THADA: variants seen among roughly 807,000 people sequenced by gnomAD.
THADA encodes tRNA (32-2'-O)-methyltransferase regulator THADA.
Under a neutral mutation model 219.8 loss-of-function variants are expected in THADA, and 213 were observed. That is an observed-to-expected ratio of 0.97 (90% CI 0.87 to 1.09). The LOEUF is 1.09. THADA is among the 50% of genes least tolerant of loss of function. The pLI is 0.00. For synonymous variants in THADA, 1,018 were observed against 828.9 expected, an observed-to-expected ratio of 1.23 and a Z score of -3.92; for missense variants, 2,956 against 2,311.3, an observed-to-expected ratio of 1.28 and a Z score of -5.72.
intron 29 of THADA, among the ~76,000 whole-genome samples, chr2:43,386,363 C>G (rs929793575): frequency 4.6e-5 from 7 of 151,504 alleles, no homozygotes; most frequent in Admixed American, 2.0e-4. Context: ...AAACAGAGAG[C>G]CTTCATTTTA....
intron 31 of THADA, among the ~76,000 whole-genome samples, chr2:43,296,780 T>C (rs1235539786): frequency 6.6e-6 from 1 of 152,212 alleles, no homozygotes; most frequent in Non-Finnish European, 1.5e-5. Flanking sequence ...AAAAGGAATT[T>C]CATTTATTTG....
At position 43,283,671 on chromosome 2, in the gene THADA, C is replaced by T. The variant is rs184675485; in HGVS notation, c.5164+3237G>A. Reference sequence around the variant, plus strand: ...CTTGAGAGAGATGACTGAGGGTATCCGGCAGAAAAAATTTGTAAGCAGCAA... The same window carrying T: ...CTTGAGAGAGATGACTGAGGGTATCTGGCAGAAAAAATTTGTAAGCAGCAA... On this transcript the variant is annotated intron_variant, in intron 35 of 37. Coordinates refer to ENST00000405975, the MANE Select transcript of THADA (RefSeq NM_022065.5). 4.9e-3 allele frequency among the ~76,000 whole-genome samples: 742 copies of T among 152,232 alleles called. 7 individuals are homozygous for T. Among genetic ancestry groups the T allele is most frequent in the African/African-American group, 0.017 (695 of 41,536 alleles).
chr2:43,542,510 T>C (rs999656361), intron 20 of THADA, among the ~76,000 whole-genome samples: 2 of 152,234 alleles, frequency 1.3e-5, no homozygotes, highest in African/African-American at 2.4e-5. Flanking sequence ...ACTAAGAAAT[T>C]GCTGCTTCTG....
chr2:43,369,243 C>G (rs1194497611), intron 29 of THADA, among the ~76,000 whole-genome samples: 2 of 152,194 alleles, frequency 1.3e-5, no homozygotes, highest in Non-Finnish European at 2.9e-5. Context: ...TGAGCTATTT[C>G]AAATGTGTCC....
At chr2:43,517,567 A>G (rs906326888) in intron 22 of THADA, among the ~76,000 whole-genome samples, 5 of 152,166 alleles carry the variant, frequency 3.3e-5, no homozygotes, top group African/African-American at 1.2e-4. Context: ...CAGCTTAGAA[A>G]GGAATAGTAT....
At chr2:43,331,006 T>G (rs965627732) in intron 30 of THADA, among the ~76,000 whole-genome samples, 2 of 152,204 alleles carry the variant, frequency 1.3e-5, no homozygotes, top group Non-Finnish European at 2.9e-5. Flanking sequence ...TGTTTTGAAA[T>G]AGGGAGTTAG....
chr2:43,312,147 A>T (rs976080810), intron 31 of THADA, among the ~76,000 whole-genome samples: 2 of 150,546 alleles, frequency 1.3e-5, no homozygotes, highest in African/African-American at 4.9e-5. Flanking sequence ...TGGGCCCATG[A>T]GGTTGAGGCT....
At chr2:43,518,347 A>G (rs1240179075) in intron 22 of THADA, among the ~76,000 whole-genome samples, 1 of 152,236 alleles carries the variant, frequency 6.6e-6, no homozygotes, top group Non-Finnish European at 1.5e-5. Flanking sequence ...GTTAAGAGCC[A>G]GCAGTTGATG....
chr2:43,474,265 G>C (rs938474225), intron 26 of THADA, among the ~76,000 whole-genome samples: 2 of 152,216 alleles, frequency 1.3e-5, no homozygotes, highest in African/African-American at 4.8e-5. Flanking sequence ...GGGGTTTAAA[G>C]AGGATGTGTG....
intron 31 of THADA, among the ~76,000 whole-genome samples, chr2:43,309,239 T>A (rs1677215575): frequency 6.6e-6 from 1 of 152,240 alleles, no homozygotes; most frequent in South Asian, 2.1e-4. Flanking sequence ...GCCATGCTTC[T>A]CATGAATGCA....
chr2:43,404,199 C>A (rs1174334364), intron 28 of THADA, among the ~76,000 whole-genome samples: 1 of 151,722 alleles, frequency 6.6e-6, no homozygotes, highest in African/African-American at 2.4e-5. Context: ...TAAGGTATTA[C>A]ATTTTTGTTT....
chr2:43,238,034 G>C (rs1668230349), intron 36 of THADA, among the ~76,000 whole-genome samples: 1 of 142,260 alleles, frequency 7.0e-6, no homozygotes, highest in Admixed American at 7.3e-5. Context: ...CAGGAGAGTT[G>C]CTTGAACCCA....
At chr2:43,233,236 T>C in intron 36 of THADA, 1 of 212,912 alleles carries the variant, frequency 4.7e-6, no homozygotes, top group Non-Finnish European at 9.6e-6. Context: ...CACATCTGCC[T>C]GGATTTGACT....
chr2:43,468,051 C>T (rs963262772), intron 26 of THADA, among the ~76,000 whole-genome samples: 12 of 152,144 alleles, frequency 7.9e-5, no homozygotes, highest in African/African-American at 4.8e-5. Context: ...GTAAAAAATG[C>T]CTGACTTAAG....
chr2:43,452,106 C>CAGAA (rs199565664), intron 26 of THADA, among the ~76,000 whole-genome samples: 2 of 152,066 alleles, frequency 1.3e-5, no homozygotes, highest in African/African-American at 4.8e-5. Flanking sequence ...GACTCCATCT[C>CAGAA]AGAAAGAAAG....
chr2:43,412,883 T>C (rs1009441735), intron 28 of THADA, among the ~76,000 whole-genome samples: 2 of 152,184 alleles, frequency 1.3e-5, no homozygotes, highest in African/African-American at 4.8e-5. Context: ...AATCCCTACA[T>C]CTTCTAGCCT....
chr2:43,435,484 A>G (rs554454337), intron 26 of THADA, among the ~76,000 whole-genome samples: 51 of 122,726 alleles, frequency 4.2e-4, no homozygotes, highest in African/African-American at 1.4e-3. Flanking sequence ...GAGGGAGGGA[A>G]GGAGGGAGGG....
intron 26 of THADA, among the ~76,000 whole-genome samples, chr2:43,477,832 T>A (rs966409288): frequency 6.6e-6 from 1 of 152,240 alleles, no homozygotes; most frequent in African/African-American, 2.4e-5. Flanking sequence ...TCTTTCCTCA[T>A]CTGATTCATC....
intron 16 of THADA, among the ~76,000 whole-genome samples, chr2:43,558,140 A>C (rs189956371): frequency 6.6e-6 from 1 of 152,364 alleles, no homozygotes; most frequent in East Asian, 1.9e-4. Flanking sequence ...CAATCGAAGT[A>C]TAATATGACA....
Sources: gnomAD v4.1 joint callset for allele counts (sites outside exome capture counted in the v4.1 genomes callset) on GRCh38, gnomAD v4.1.1 for gene constraint, MANE v1.5 for transcripts, NCBI Gene and HGNC (gene_info 2026-07-23, HGNC 2026-07-21) for gene names.